The following MECOM variants were observed in gnomAD, a reference collection of about 807,000 sequenced individuals.
MECOM encodes histone-lysine N-methyltransferase MECOM.
Under a neutral mutation model 116.3 loss-of-function variants are expected in MECOM, and 13 were observed. The observed-to-expected ratio is 0.11, with a 90% CI of 0.07 to 0.18. The LOEUF (loss-of-function observed/expected upper bound fraction) is 0.18, where lower values mean the gene tolerates loss of function less well. MECOM is among the 10% of genes least tolerant of loss of function. The pLI, the probability that MECOM is intolerant of heterozygous loss-of-function variation, is 1.00. For synonymous variants in MECOM, 528 were observed against 535.2 expected (o/e 0.99, Z 0.19); for missense variants, 1,299 against 1,509.0 (o/e 0.86, Z 2.31).
chr3:169,455,338 T>C (rs1002141947), intron 1 of MECOM, among the ~76,000 whole-genome samples: 5 of 152,332 alleles, frequency 3.3e-5, no homozygotes, highest in African/African-American at 9.6e-5. Flanking sequence ...TTTATATCCA[T>C]ATAAAATAAA....
At position 169,167,454 on chromosome 3, in the gene MECOM, C is replaced by A. The variant is rs143275179; in HGVS notation, c.376-23622G>T. Among the ~76,000 whole-genome samples, 1,032 of 152,258 alleles carry A rather than the reference C, an allele frequency of 6.8e-3. 12 individuals carry two copies. The highest frequency in any genetic ancestry group is 0.022 in the African/African-American group (921 of 41,542). The stretch of plus-strand genomic sequence containing the variant: ...AAGATGTGTGTGATTGGTCAAGGAA[C>A]TCAAGGTCCCGCATGATGGAAGAAA... On this transcript the variant is annotated intron_variant, in intron 2 of 16. Coordinates refer to ENST00000651503, the MANE Select transcript of MECOM (RefSeq NM_004991.4).
intron 1 of MECOM, among the ~76,000 whole-genome samples, chr3:169,382,448 G>C (rs1560204376): frequency 6.6e-6 from 1 of 152,084 alleles, no homozygotes; most frequent in Non-Finnish European, 1.5e-5. Context: ...CGCCACACTT[G>C]AAGTAAACGA....
chr3:169,465,217 G>T lies in MECOM; in HGVS notation c.38-83693C>A, dbSNP rs182418139. 5.3e-5 allele frequency among the ~76,000 whole-genome samples: 8 copies of T among 152,276 alleles called. No individual in the cohort carries two copies. The East Asian group carries it at 1.5e-3, about 29-fold the overall frequency. ...AGAGCATGAATTCTGGGGCTGAACT[G>T]CCTGGGTTTTAATCTCAGCTTTGTC... On this transcript the variant is annotated intron_variant, in intron 1 of 16. Transcript: ENST00000651503.
intron 1 of MECOM, among the ~76,000 whole-genome samples, chr3:169,513,027 T>TA (rs1333180723): frequency 6.6e-6 from 1 of 152,240 alleles, no homozygotes; most frequent in East Asian, 1.9e-4. Flanking sequence ...ATTTGTTATA[T>TA]AAAAATGTCA....
intron 2 of MECOM, among the ~76,000 whole-genome samples, chr3:169,305,165 G>A (rs1263436037): frequency 6.6e-6 from 1 of 152,044 alleles, no homozygotes; most frequent in Non-Finnish European, 1.5e-5. Context: ...ATTTTTATAG[G>A]TTTATTTATT....
At chr3:169,472,665 A>G (rs13062409) in intron 1 of MECOM, among the ~76,000 whole-genome samples, 12,189 of 74,428 alleles carry the variant, frequency 0.16, 2,361 homozygotes, top group East Asian at 0.38. Context: ...AAAGAAAGGA[A>G]AGGAAAGGAG....
intron 1 of MECOM, chr3:169,566,090 T>C (rs1763202370): frequency 2.9e-6 from 1 of 343,202 alleles, no homozygotes; most frequent in Non-Finnish European, 5.7e-6. Flanking sequence ...AACTGCCAAA[T>C]ACTTGTAAAC....
intron 2 of MECOM, among the ~76,000 whole-genome samples, chr3:169,202,548 G>C (rs1749301569): frequency 6.6e-6 from 1 of 152,038 alleles, no homozygotes; most frequent in African/African-American, 2.4e-5. Context: ...TTTACATTAA[G>C]ATTCCAGCAT....
chr3:169,483,773 A>G (rs1578229856), intron 1 of MECOM: 1 of 1,610,846 alleles, frequency 6.2e-7, no homozygotes. Context: ...AGTCACGTAG[A>G]TTATTCTTCT....
chr3:169,523,230 A>G (rs1192073767), intron 1 of MECOM, among the ~76,000 whole-genome samples: 1 of 152,200 alleles, frequency 6.6e-6, no homozygotes, highest in Non-Finnish European at 1.5e-5. Context: ...TGGGTACTGG[A>G]GGCAAAGGAC....
chr3:169,394,112 G>A (rs1460449049), intron 1 of MECOM, among the ~76,000 whole-genome samples: 1 of 152,048 alleles, frequency 6.6e-6, no homozygotes, highest in Admixed American at 6.6e-5. Context: ...TTTTGTTGCT[G>A]TTGTTGTATT....
intron 1 of MECOM, among the ~76,000 whole-genome samples, chr3:169,506,243 T>G (rs1390140454): frequency 6.6e-6 from 1 of 152,208 alleles, no homozygotes; most frequent in Non-Finnish European, 1.5e-5. Context: ...TCTTCAGATG[T>G]CCAATTGAGA....
chr3:169,120,832 T>C lies in MECOM; in HGVS notation c.1132+224A>G, dbSNP rs184598850. On this transcript the variant is annotated intron_variant, in intron 7 of 16. Coordinates refer to ENST00000651503, the MANE Select transcript of MECOM (RefSeq NM_004991.4). ...TAATGAATTTTCTTTTCTCTACCTG[T>C]TATTGATTTCTTCTGAAAGAAAACA... The C allele has an allele frequency of 8.7e-5, 33 of 377,928 alleles. No homozygotes were observed. In the East Asian group the frequency reaches 1.2e-3, roughly 14 times the overall value. The allele number at this position is 377,928 out of a possible 1,614,324, so 23.4% of individuals were successfully genotyped here. A position where few individuals can be genotyped will look rare whatever the true frequency, so the allele number is the denominator to read the frequency against.
rs183639330 is a variant in MECOM, at chr3:169,127,790, A to G, written c.830+54T>C. The G allele has an allele frequency of 1.2e-4, 176 of 1,520,534 alleles. No individual in the cohort carries two copies. The East Asian group carries it at 3.7e-3, about 32-fold the overall frequency. 94.2% of individuals were successfully genotyped at this position (1,520,534 alleles called of 1,614,324 possible). A position where few individuals can be genotyped will look rare whatever the true frequency, so the allele number is the denominator to read the frequency against. ...TCTGCACAAAGCCTCAAAATTCAGC[A>G]TAACATTGCAGAAAAAATACACAAG... On this transcript the variant is annotated intron_variant, in intron 5 of 16. Coordinates refer to ENST00000651503, the MANE Select transcript of MECOM (RefSeq NM_004991.4).
chr3:169,634,171 A>G (rs1189675412), intron 1 of MECOM, among the ~76,000 whole-genome samples: 1 of 152,102 alleles, frequency 6.6e-6, no homozygotes, highest in Admixed American at 6.6e-5. Context: ...TTCAAAACAA[A>G]TATAGTCATC....
chr3:169,417,176 C>T (rs1258228773), intron 1 of MECOM, among the ~76,000 whole-genome samples: 30 of 151,200 alleles, frequency 2.0e-4, no homozygotes, highest in African/African-American at 7.1e-4. Context: ...AGGCAACCTA[C>T]AAAATGGGAG....
chr3:169,176,433 G>A (rs886978966), intron 2 of MECOM, among the ~76,000 whole-genome samples: 1 of 152,058 alleles, frequency 6.6e-6, no homozygotes, highest in Non-Finnish European at 1.5e-5. Flanking sequence ...ACTGAAACTG[G>A]ACTCCTTCCT....
At chr3:169,224,970 T>TA (rs1251625442) in intron 2 of MECOM, among the ~76,000 whole-genome samples, 4 of 152,302 alleles carry the variant, frequency 2.6e-5, no homozygotes, top group East Asian at 1.9e-4. Flanking sequence ...CAATCTTTTT[T>TA]AAAAAAATTC....
intron 1 of MECOM, among the ~76,000 whole-genome samples, chr3:169,536,908 T>G (rs1759436960): frequency 6.6e-6 from 1 of 152,186 alleles, no homozygotes; most frequent in South Asian, 2.1e-4. Flanking sequence ...AAGCTACTAT[T>G]ATTTTTGTTG....
Sources: allele counts gnomAD v4.1 joint callset (sites outside exome capture counted in the v4.1 genomes callset), GRCh38; gene constraint gnomAD v4.1.1; transcripts MANE v1.5; gene names NCBI Gene and HGNC (gene_info 2026-07-23, HGNC 2026-07-21).